DLGAP1: variants seen among roughly 807,000 people sequenced by gnomAD.
DLGAP1 encodes the protein disks large-associated protein 1.
In DLGAP1, 11 loss-of-function variants were observed where a neutral mutation model predicts 90.8. The ratio of observed to expected loss-of-function variants is 0.12; its 90% CI spans 0.08 to 0.20. DLGAP1 has a LOEUF of 0.20. Ranked by LOEUF, DLGAP1 falls within the 10% of genes least tolerant of loss-of-function variation. The pLI is 1.00. For synonymous variants in DLGAP1, 558 were observed against 540.7 expected, an observed-to-expected ratio of 1.03 and a Z score of -0.44; for missense variants, 1,050 against 1,333.8, an observed-to-expected ratio of 0.79 and a Z score of 3.31.
In DLGAP1 at chr18:3,527,413, T is replaced by TTTTG. The variant is rs1568134445; in HGVS notation, c.2479+6780_2479+6781insCAAA. On this transcript the variant is annotated intron_variant, in intron 10 of 12. Transcript: ENST00000315677. ...AGTAAACAGGTTATTTTCCAAACTTTTTTTTTTTTTTTTTTTTTTGCCATG... is the reference window on the plus strand; with the variant it reads ...AGTAAACAGGTTATTTTCCAAACTTTTTTGTTTTTTTTTTTTTTTTTTTGCCATG... Among the ~76,000 whole-genome samples the TTTTG allele has an allele frequency of 5.5e-5, 8 of 144,728 alleles. 1 individual carries two copies. Among genetic ancestry groups the TTTTG allele is most frequent in the African/African-American group, 2.0e-4 (8 of 39,164 alleles). The allele number at this position is 144,728 out of a possible 152,430, so 94.9% of individuals were successfully genotyped here. A position where few individuals can be genotyped will look rare whatever the true frequency, so the allele number is the denominator to read the frequency against.
In DLGAP1 at chr18:3,879,789, T is replaced by C; in HGVS notation, c.280A>G (p.Thr94Ala). The change falls in exon 4 of 13, where the codon ACC becomes GCC. Residue 94 changes from threonine to alanine, a missense_variant. Transcript: ENST00000315677. This position sits in a 1 kb window ranked among gnomAD's most constrained non-coding sequence, Gnocchi z 6.6. ...ECALVPRTLATKANRIPANLL... is the reference protein window; with the variant it reads ...ECALVPRTLAAKANRIPANLL... ...TTGGCGGGGATGCGGTTCGCCTTGG[T>C]GGCCAGGGTGCGGGGCACCAGGGCA... The C allele has an allele frequency of 6.2e-7, 1 of 1,607,434 alleles. No homozygotes were observed. Among genetic ancestry groups the C allele is most frequent in the Non-Finnish European group, 8.5e-7 (1 of 1,179,896 alleles).
intron 3 of DLGAP1, among the ~76,000 whole-genome samples, chr18:3,920,218 C>G (rs1418852640): frequency 6.6e-6 from 1 of 152,006 alleles, no homozygotes; most frequent in African/African-American, 2.4e-5. Flanking sequence ...TGGTGCATGC[C>G]TGTAGTCCTA....
chr18:4,238,288 T>C (rs1393252321), intron 1 of DLGAP1, among the ~76,000 whole-genome samples: 1 of 152,202 alleles, frequency 6.6e-6, no homozygotes, highest in Admixed American at 6.5e-5. Flanking sequence ...CCAATCTAAA[T>C]AGACATTCCA....
intron 1 of DLGAP1, among the ~76,000 whole-genome samples, chr18:4,256,994 T>C (rs1336229791): frequency 2.6e-5 from 4 of 152,170 alleles, no homozygotes; most frequent in Non-Finnish European, 5.9e-5. Context: ...GCATAGATTC[T>C]GGCTGAGACG....
chr18:4,255,409 A>ACT (rs367968104), intron 1 of DLGAP1, among the ~76,000 whole-genome samples: 1 of 150,854 alleles, frequency 6.6e-6, no homozygotes, highest in Non-Finnish European at 1.5e-5. Context: ...TTTTAAACTG[A>ACT]CTCTCTCTCT....
At chr18:3,520,944 C>T (rs2051146126) in intron 10 of DLGAP1, among the ~76,000 whole-genome samples, 2 of 152,208 alleles carry the variant, frequency 1.3e-5, no homozygotes, top group African/African-American at 4.8e-5. Context: ...CCCAACAACG[C>T]TCTCTGGCTG....
chr18:3,533,675 A>G (rs1222080258), intron 10 of DLGAP1, among the ~76,000 whole-genome samples: 1 of 152,174 alleles, frequency 6.6e-6, no homozygotes, highest in Non-Finnish European at 1.5e-5. Context: ...CCTGGACTCA[A>G]GTGATCCTTC....
At chr18:4,321,953 T>C (rs2080697292) in intron 1 of DLGAP1, among the ~76,000 whole-genome samples, 1 of 114,528 alleles carries the variant, frequency 8.7e-6, no homozygotes, top group African/African-American at 4.1e-5. Context: ...AACTCAGCAG[T>C]TTGGGAGGCC....
At chr18:3,892,297 C>T (rs891751508) in intron 3 of DLGAP1, among the ~76,000 whole-genome samples, 2 of 152,110 alleles carry the variant, frequency 1.3e-5, no homozygotes, top group African/African-American at 4.8e-5. Context: ...GAATGTGACT[C>T]AAGGTGGGAG....
At chr18:4,403,556 G>A (rs1027891389) in intron 1 of DLGAP1, among the ~76,000 whole-genome samples, 1 of 152,056 alleles carries the variant, frequency 6.6e-6, no homozygotes, top group African/African-American at 2.4e-5. Flanking sequence ...AAATTCTGAT[G>A]ACAAAGTTTC....
At chr18:4,259,478 G>A (rs1400927659) in intron 1 of DLGAP1, among the ~76,000 whole-genome samples, 3 of 152,174 alleles carry the variant, frequency 2.0e-5, no homozygotes, top group African/African-American at 7.2e-5. Flanking sequence ...TTTCCTCCTG[G>A]CAAATGGTAG....
At chr18:3,599,818 C>A (rs926745597) in intron 7 of DLGAP1, among the ~76,000 whole-genome samples, 2 of 152,076 alleles carry the variant, frequency 1.3e-5, no homozygotes, top group African/African-American at 4.8e-5. Context: ...GTAGTTTCAC[C>A]ATGTGGGCCA....
At chr18:3,825,364 A>C (rs1271988479) in intron 4 of DLGAP1, among the ~76,000 whole-genome samples, 3 of 152,232 alleles carry the variant, frequency 2.0e-5, no homozygotes, top group African/African-American at 2.4e-5. Context: ...GACTGGTTCC[A>C]GGATACCAAA....
intron 1 of DLGAP1, among the ~76,000 whole-genome samples, chr18:4,248,999 G>A (rs2078716393): frequency 6.6e-6 from 1 of 152,178 alleles, no homozygotes; most frequent in Non-Finnish European, 1.5e-5. Context: ...CCCACATAGG[G>A]CACTTGTGCA....
At chr18:4,267,647 A>C (rs947837525) in intron 1 of DLGAP1, among the ~76,000 whole-genome samples, 1 of 152,132 alleles carries the variant, frequency 6.6e-6, no homozygotes, top group African/African-American at 2.4e-5. Flanking sequence ...TATCTCACCC[A>C]ATTTGAGGTT....
At chr18:3,802,478 A>G (rs1260669216) in intron 5 of DLGAP1, among the ~76,000 whole-genome samples, 1 of 152,188 alleles carries the variant, frequency 6.6e-6, no homozygotes, top group Non-Finnish European at 1.5e-5. Context: ...CAGTCAGCTT[A>G]ATTTCTTTAT....
At chr18:4,408,979 AAACAC>A (rs1337549855) in intron 1 of DLGAP1, among the ~76,000 whole-genome samples, 11 of 5,396 alleles carry the variant, frequency 2.0e-3, no homozygotes, top group South Asian at 0.011. Flanking sequence ...ACACACACAC[AAACAC>A]ACACACACAC....
chr18:3,688,383 AG>A (rs2060774805), intron 7 of DLGAP1, among the ~76,000 whole-genome samples: 1 of 152,110 alleles, frequency 6.6e-6, no homozygotes, highest in East Asian at 1.9e-4. Context: ...AGGGAAGCAG[AG>A]GGCAGTTACC....
Position 3,678,160 on chromosome 18 carries a change from C to T in DLGAP1, c.1591+50975G>A, listed in dbSNP as rs564778426. On this transcript the variant is annotated intron_variant, in intron 7 of 12. Coordinates refer to ENST00000315677, the MANE Select transcript of DLGAP1 (RefSeq NM_004746.4). ...TATTTTTAGTAGAGACAGGGTTTCA[C>T]CATGTTGGCCAGGCTGGTCTTGAAC... Among the ~76,000 whole-genome samples, 3 of 151,800 alleles carry T rather than the reference C, an allele frequency of 2.0e-5. No homozygotes were observed. In the South Asian group the frequency reaches 6.3e-4, roughly 32 times the overall value.
Sources: allele counts gnomAD v4.1 joint callset (sites outside exome capture counted in the v4.1 genomes callset), GRCh38; gene constraint gnomAD v4.1.1; non-coding constraint Gnocchi (gnomAD v3.1); transcripts MANE v1.5; gene names NCBI Gene and HGNC (gene_info 2026-07-23, HGNC 2026-07-21).